Variants in EWSR1 observed in about 807,000 individuals in gnomAD.
EWSR1 encodes EWS RNA binding protein 1, also known as RNA-binding protein EWS.
In EWSR1, 14 loss-of-function variants were observed where a neutral mutation model predicts 92.1. The ratio of observed to expected loss-of-function variants is 0.15; its 90% confidence interval spans 0.10 to 0.24. The LOEUF is 0.24. Ranked by LOEUF, EWSR1 falls within the 10% of genes least tolerant of loss-of-function variation. The pLI is 1.00. For synonymous variants in EWSR1, 303 were observed against 292.9 expected, an observed-to-expected ratio of 1.03 and a Z score of -0.35; for missense variants, 637 against 870.9, an observed-to-expected ratio of 0.73 and a Z score of 3.38.
At position 29,268,363 on chromosome 22, in the gene EWSR1, A is replaced by G. The variant is rs752812760; in HGVS notation, c.13+14A>G. 1.9e-6 allele frequency: 3 copies of G among 1,614,052 alleles called. No individual in the cohort carries two copies. The highest frequency in any genetic ancestry group is 2.5e-6 in the Non-Finnish European group (3 of 1,179,936). On this transcript the variant is annotated intron_variant, in intron 1 of 16. Coordinates refer to ENST00000397938, the MANE Select transcript of EWSR1 (RefSeq NM_005243.4). ...TGGCGTCCACGGGTGAGTATGGTGG[A>G]ACTGCGGTCGCGCCGGCGGTAGCCG...
chr22:29,270,722 C>T (rs2058608408), intron 1 of EWSR1, among the ~76,000 whole-genome samples: 1 of 152,134 alleles, frequency 6.6e-6, no homozygotes, highest in Non-Finnish European at 1.5e-5. Flanking sequence ...CAAGCAAAGA[C>T]CTCAACAAAA....
chr22:29,289,782 T>G (rs1273839464), intron 8 of EWSR1: 2 of 231,886 alleles, frequency 8.6e-6, no homozygotes, highest in Non-Finnish European at 1.7e-5. Flanking sequence ...TACTCTTCAC[T>G]ACTGAAAGAC....
chr22:29,280,853 G>C (rs1409517690), intron 5 of EWSR1, among the ~76,000 whole-genome samples: 1 of 125,432 alleles, frequency 8.0e-6, no homozygotes, highest in Non-Finnish European at 1.7e-5. Context: ...TTGTGTGTGT[G>C]TGTGTGTTGT....
In EWSR1 at chr22:29,296,272, A is replaced by C. The variant is rs749359827; in HGVS notation, c.1198A>C (p.Ile400Leu). The change falls in exon 12 of 17, where the codon ATC (isoleucine) becomes CTC (leucine). Residue 400 changes from isoleucine to leucine, a missense_variant. Around this residue, in one of 5 missense-constraint regions of EWSR1, gnomAD observed 363 missense variants for 447.8 expected, o/e 0.81. Transcript: ENST00000397938. ...GAGAACTGGGCAACCCATGATCCAC[A>C]TCTACCTGGACAAGGAAACAGGAAA... Reference protein sequence around the residue: ...NKRTGQPMIHIYLDKETGKPK... With the variant: ...NKRTGQPMIHLYLDKETGKPK... 1.2e-6 allele frequency: 2 copies of C among 1,614,168 alleles called. No individual in the cohort carries two copies. Among genetic ancestry groups the C allele is most frequent in the Non-Finnish European group, 1.7e-6 (2 of 1,180,000 alleles).
At chr22:29,276,679 G>T in intron 4 of EWSR1, 1 of 228,520 alleles carries the variant, frequency 4.4e-6, no homozygotes, top group Non-Finnish European at 8.7e-6. Flanking sequence ...GTTTTGTTTT[G>T]TTTTGTTTTT....
Position 29,299,324 on chromosome 22 carries a change from G to C in EWSR1, c.1671G>C (p.Pro557=). 1.2e-6 allele frequency: 2 copies of C among 1,613,428 alleles called. No individual in the cohort carries two copies. The highest frequency in any genetic ancestry group is 2.2e-5 in the South Asian group (2 of 91,050). Residue 557 remains proline, a synonymous_variant, in exon 15 of 17, where the codon CCG becomes CCC. Transcript: ENST00000397938. ...AAGGCTTCCTCCCGCCACCCTTTCCGCCCCCGGGTAGGTGCAGGTTTCATG... is the reference window on the plus strand; with the variant it reads ...AAGGCTTCCTCCCGCCACCCTTTCCCCCCCCGGGTAGGTGCAGGTTTCATG... ...KPEGFLPPPF[P]PPGGDRGRGG... is the part of the protein sequence containing the mutation.
intron 8 of EWSR1, chr22:29,290,761 G>A (rs1425095176): frequency 9.5e-6 from 10 of 1,048,954 alleles, no homozygotes; most frequent in Non-Finnish European, 1.2e-5. Flanking sequence ...TGTATATTCA[G>A]GTATTAAAGG....
intron 15 of EWSR1, 131 bp downstream of exon 15, chr22:29,299,462 G>T (rs1286402180): frequency 9.4e-6 from 14 of 1,488,532 alleles, no homozygotes; most frequent in Middle Eastern, 1.8e-4. Context: ...TTTCTAAATT[G>T]TCAGCCCGAT....
rs1446966564 is a variant in EWSR1 at position 29,278,012 on chromosome 22, A to G, written c.227-18A>G. 5.0e-6 allele frequency: 8 copies of G among 1,606,042 alleles called. No homozygotes were observed. The African/African-American group carries it at 6.7e-5, about 13-fold the overall frequency. ...TCTGAGGGGACCTGAAATCTGATGC[A>G]GCTCTCCTTTGTTCTAGGTTATACT... On this transcript the variant is annotated intron_variant, in intron 4 of 16. Coordinates refer to ENST00000397938, the MANE Select transcript of EWSR1 (RefSeq NM_005243.4).
chr22:29,291,424 A>T, intron 8 of EWSR1, 138 bp from the exon 9 acceptor site: 1 of 767,150 alleles, frequency 1.3e-6, no homozygotes, highest in Non-Finnish European at 2.1e-6. Context: ...GAAGAAAGGC[A>T]TAGTGACAAG....
Position 29,300,412 on chromosome 22 carries a change from C to T in EWSR1, c.*251C>T, listed in dbSNP as rs2061258964. 2 of 426,290 alleles carry T rather than the reference C, an allele frequency of 4.7e-6. No individual in the cohort carries two copies. Among genetic ancestry groups the T allele is most frequent in the Admixed American group, 4.0e-5 (1 of 25,274 alleles). The allele number at this position is 426,290 out of a possible 1,614,324, so 26.4% of individuals were successfully genotyped here. A position where few individuals can be genotyped will look rare whatever the true frequency, so the allele number is the denominator to read the frequency against. Reference sequence around the variant, plus strand: ...TTTAACAATGGGAACCCCTTGTGAGCATGCTCAGTATCATTGTGGAGAACC... The same window carrying T: ...TTTAACAATGGGAACCCCTTGTGAGTATGCTCAGTATCATTGTGGAGAACC... On this transcript the variant is annotated 3_prime_UTR_variant, in exon 17 of 17. Transcript: ENST00000397938.
chr22:29,272,413 A>G lies in EWSR1; in HGVS notation c.84A>G (p.Gly28=), dbSNP rs1463844985. The change falls in exon 3 of 17, where the codon GGA becomes GGG. Residue 28 remains glycine (G), a synonymous_variant. Coordinates refer to ENST00000397938, the MANE Select transcript of EWSR1 (RefSeq NM_005243.4). ...YSAYTAQPTQ[G]YAQTTQAYGQ... ...CTTACACCGCCCAGCCCACTCAAGG[A>G]TATGCACAGACCACCCAGGTAATCT... The G allele has an allele frequency of 1.2e-6, 2 of 1,612,988 alleles. No individual in the cohort carries two copies. The highest frequency in any genetic ancestry group is 2.2e-5 in the South Asian group (2 of 91,034).
chr22:29,296,215 C>T (rs184702100), intron 11 of EWSR1, 24 bp from the exon 12 acceptor site: 5 of 1,608,930 alleles, frequency 3.1e-6, no homozygotes, highest in East Asian at 4.5e-5. Flanking sequence ...CTAGTCATGC[C>T]TAACTATGCT....
chr22:29,298,273 A>T (rs2061025410), intron 13 of EWSR1, among the ~76,000 whole-genome samples: 1 of 152,166 alleles, frequency 6.6e-6, no homozygotes, highest in South Asian at 2.1e-4. Context: ...TGGGAGGCTG[A>T]GGTGGGCGGA....
At chr22:29,289,045 C>A in intron 8 of EWSR1, 1 of 413,026 alleles carries the variant, frequency 2.4e-6, no homozygotes, top group Non-Finnish European at 4.3e-6. Flanking sequence ...CTTTCAGTTC[C>A]CTTCATGGTT....
At chr22:29,299,883 C>CCAGGCA (rs2061204768) in intron 16 of EWSR1, 32 bp downstream of exon 16, 3 of 1,530,456 alleles carry the variant, frequency 2.0e-6, no homozygotes, top group Non-Finnish European at 2.6e-6. Context: ...CTGTGGGCCG[C>CCAGGCA]CAGGCACAGT....
chr22:29,268,401 TG>T lies in EWSR1; in HGVS notation c.13+57del, dbSNP rs752261478. 3 of 1,613,474 alleles carry T rather than the reference TG, an allele frequency of 1.9e-6. No homozygotes were observed. In the African/African-American group the frequency reaches 4.0e-5, roughly 22 times the overall value. ...CCGGCGGTAGCCGGAACGCCCAAAC[TG>T]GGGGTCGTTCGTCTCTGGGCTTGGC... On this transcript the variant is annotated intron_variant, in intron 1 of 16. Coordinates refer to ENST00000397938, the MANE Select transcript of EWSR1 (RefSeq NM_005243.4).
At chr22:29,270,538 A>G (rs753545209) in intron 1 of EWSR1, among the ~76,000 whole-genome samples, 2 of 152,166 alleles carry the variant, frequency 1.3e-5, no homozygotes, top group Admixed American at 6.5e-5. Context: ...CAAATTTGCT[A>G]CCTTCTATAG....
intron 8 of EWSR1, chr22:29,290,575 G>C (rs2060370582): frequency 6.5e-7 from 1 of 1,532,296 alleles, no homozygotes. Context: ...TGTATAAATG[G>C]AATCCTTCTG....
Sources: gnomAD v4.1 joint callset for allele counts (sites outside exome capture counted in the v4.1 genomes callset) on GRCh38, gnomAD v4.1.1 for gene constraint, gnomAD v4.1.1 regional missense constraint, MANE v1.5 for transcripts, NCBI Gene and HGNC (gene_info 2026-07-23, HGNC 2026-07-21) for gene names.